NRXN3: variants seen among roughly 807,000 people sequenced by gnomAD.
NRXN3 encodes neurexin III.
In NRXN3, 32 loss-of-function variants were observed where a neutral mutation model predicts 137.6. The observed-to-expected ratio is 0.23, with a 90% CI of 0.18 to 0.31. The LOEUF is 0.31. Ranked by LOEUF, NRXN3 falls within the 10% of genes least tolerant of loss-of-function variation. NRXN3 has a pLI of 1.00. For missense variants in NRXN3, 1,574 were observed against 2,062.5 expected (o/e 0.76, Z 4.59); for synonymous variants, 798 against 784.5 (o/e 1.02, Z -0.29).
intron 16 of NRXN3, among the ~76,000 whole-genome samples, chr14:79,517,435 C>T (rs1212947579): frequency 6.6e-6 from 1 of 152,200 alleles, no homozygotes; most frequent in South Asian, 2.1e-4. Flanking sequence ...ATTTTCCTTA[C>T]AGCTTTTGCC....
chr14:79,335,891 G>A (rs528053126), intron 15 of NRXN3, among the ~76,000 whole-genome samples: 3 of 152,078 alleles, frequency 2.0e-5, no homozygotes, highest in African/African-American at 4.8e-5. Context: ...CATTAACTAC[G>A]TTATAATGCC....
At chr14:79,258,890 T>C (rs574128849) in intron 15 of NRXN3, among the ~76,000 whole-genome samples, 2 of 152,314 alleles carry the variant, frequency 1.3e-5, no homozygotes, top group Admixed American at 1.3e-4. Context: ...GAACTGAAAC[T>C]TTGTCTTTTC....
chr14:78,963,169 T>TG (rs1190917771), intron 11 of NRXN3, among the ~76,000 whole-genome samples: 5 of 150,902 alleles, frequency 3.3e-5, no homozygotes, highest in Non-Finnish European at 7.4e-5. Flanking sequence ...AATAAACACT[T>TG]TTTTTTTTGC....
chr14:79,245,607 A>G (rs1403542198), intron 15 of NRXN3, among the ~76,000 whole-genome samples: 1 of 152,146 alleles, frequency 6.6e-6, no homozygotes, highest in Non-Finnish European at 1.5e-5. Flanking sequence ...AAACGAGGTG[A>G]TTTCTGTTAC....
chr14:78,723,646 G>A (rs1190218855), intron 8 of NRXN3, among the ~76,000 whole-genome samples: 1 of 152,182 alleles, frequency 6.6e-6, no homozygotes, highest in East Asian at 1.9e-4. Flanking sequence ...TTGGCAGTGG[G>A]TGTTTAACTG....
At chr14:79,852,234 A>ACACACACACAC (rs1555793046) in intron 20 of NRXN3, among the ~76,000 whole-genome samples, 1 of 128,184 alleles carries the variant, frequency 7.8e-6, no homozygotes, top group Non-Finnish European at 1.6e-5. Flanking sequence ...TTCAACTCCC[A>ACACACACACAC]ACACACACAC....
chr14:78,361,688 C>G (rs553923147), intron 4 of NRXN3, among the ~76,000 whole-genome samples: 1 of 152,102 alleles, frequency 6.6e-6, no homozygotes, highest in Non-Finnish European at 1.5e-5. Flanking sequence ...GTTGTGAAGT[C>G]AAGAATAATT....
At chr14:79,349,545 TACACAC>T (rs71131694) in intron 15 of NRXN3, among the ~76,000 whole-genome samples, 18,237 of 137,542 alleles carry the variant, frequency 0.13, 1,303 homozygotes, top group African/African-American at 0.19. Context: ...GAAAAAAAAA[TACACAC>T]ACACACACAC....
intron 10 of NRXN3, among the ~76,000 whole-genome samples, chr14:78,910,805 A>G (rs1157089154): frequency 1.3e-5 from 2 of 152,174 alleles, no homozygotes; most frequent in Non-Finnish European, 2.9e-5. Flanking sequence ...AATCGTGCCT[A>G]GCATATAGCA....
At chr14:78,959,733 C>A (rs2099404415) in intron 11 of NRXN3, among the ~76,000 whole-genome samples, 1 of 152,172 alleles carries the variant, frequency 6.6e-6, no homozygotes, top group Admixed American at 6.5e-5. Context: ...TTAGCGCCCG[C>A]AGCCAACCTG....
chr14:79,517,283 T>A (rs970030320), intron 16 of NRXN3, among the ~76,000 whole-genome samples: 1 of 152,220 alleles, frequency 6.6e-6, no homozygotes, highest in Admixed American at 6.5e-5. Context: ...ATCGTTTGTA[T>A]GAACTTTCTA....
In NRXN3 at chr14:79,234,326, A is replaced by ATAT. The variant is rs4016636; in HGVS notation, c.3263-232894_3263-232892dup. 7.0e-3 allele frequency among the ~76,000 whole-genome samples: 779 copies of ATAT among 111,702 alleles called. 25 individuals carry two copies. Among genetic ancestry groups the ATAT allele is most frequent in the African/African-American group, 0.028 (746 of 26,824 alleles). 73.3% of individuals were successfully genotyped at this position (111,702 alleles called of 152,430 possible). A position where few individuals can be genotyped will look rare whatever the true frequency, so the allele number is the denominator to read the frequency against. ...TATATATATATATATATATATATAT[A>ATAT]TATATATATATATAATATTTATATA... is the stretch of plus-strand genomic sequence containing the variant. On this transcript the variant is annotated intron_variant, in intron 15 of 20. Transcript: ENST00000335750.
intron 15 of NRXN3, among the ~76,000 whole-genome samples, chr14:79,446,155 T>C (rs576308108): frequency 1.3e-5 from 2 of 152,168 alleles, no homozygotes; most frequent in Admixed American, 6.5e-5. Context: ...AGAGTTTATA[T>C]GATAAAAATT....
intron 15 of NRXN3, among the ~76,000 whole-genome samples, chr14:79,011,458 C>T (rs1181761893): frequency 1.4e-5 from 2 of 144,720 alleles, no homozygotes; most frequent in Non-Finnish European, 3.0e-5. Flanking sequence ...CAATTCAAGA[C>T]TGATTAAGAG....
chr14:79,061,818 G>A (rs377090201), intron 15 of NRXN3, among the ~76,000 whole-genome samples: 31 of 152,092 alleles, frequency 2.0e-4, no homozygotes, highest in Admixed American at 7.9e-4. Context: ...TCCCCATCCC[G>A]GCCCATCCCT....
chr14:79,041,439 C>T (rs181747986), intron 15 of NRXN3, among the ~76,000 whole-genome samples: 31 of 152,242 alleles, frequency 2.0e-4, no homozygotes, highest in Admixed American at 7.9e-4. Context: ...GCAGAAAGTG[C>T]GCTGCACTAT....
At chr14:78,650,946 C>G (rs2097736032) in intron 5 of NRXN3, among the ~76,000 whole-genome samples, 1 of 152,182 alleles carries the variant, frequency 6.6e-6, no homozygotes. Context: ...CTAACAAAGT[C>G]ATCCATGAGT....
intron 16 of NRXN3, among the ~76,000 whole-genome samples, chr14:79,576,232 A>T (rs1346487183): frequency 1.3e-5 from 2 of 152,180 alleles, no homozygotes; most frequent in African/African-American, 4.8e-5. Context: ...GATCTCTGCC[A>T]GTGGTGTGTA....
At chr14:78,854,876 C>T (rs1039249144) in intron 10 of NRXN3, among the ~76,000 whole-genome samples, 1 of 151,896 alleles carries the variant, frequency 6.6e-6, no homozygotes, top group Non-Finnish European at 1.5e-5. Flanking sequence ...TCGAGACCAT[C>T]CAGGGAATAT....
Sources: gnomAD v4.1 joint callset for allele counts (sites outside exome capture counted in the v4.1 genomes callset) on GRCh38, gnomAD v4.1.1 for gene constraint, MANE v1.5 for transcripts, NCBI Gene and HGNC (gene_info 2026-07-23, HGNC 2026-07-21) for gene names.